The following PTPRU variants were observed in gnomAD, a reference collection of about 807,000 sequenced individuals.
PTPRU encodes receptor-type tyrosine-protein phosphatase U.
Under a neutral mutation model 166.3 loss-of-function variants are expected in PTPRU, and 69 were observed. The observed-to-expected ratio is 0.41, with a 90% CI of 0.34 to 0.51. The LOEUF (loss-of-function observed/expected upper bound fraction) is 0.51. PTPRU is among the 20% of genes least tolerant of loss of function. PTPRU has a pLI of 0.09. For synonymous variants in PTPRU, 793 were observed against 814.0 expected (o/e 0.97, Z 0.44); for missense variants, 1,657 against 2,013.7 (o/e 0.82, Z 3.39).
chr1:29,316,134 C>T lies in PTPRU; in HGVS notation c.3496C>T (p.Leu1166=), dbSNP rs776469162. The T allele has an allele frequency of 2.5e-6, 4 of 1,614,086 alleles. No homozygotes were observed. The highest frequency in any genetic ancestry group is 3.4e-6 in the Non-Finnish European group (4 of 1,180,020). The stretch of plus-strand genomic sequence containing the variant: ...TGATCCTCAGAGTAATTCCTCCCAG[C>T]TGCGGGAAGAGTTCCAGGTGGGGGA... ...RIDPQSNSSQ[L]REEFQTLNSV... Residue 1166 remains leucine, a synonymous_variant, in exon 24 of 30, where the codon CTG becomes TTG. Transcript: ENST00000373779.
At chr1:29,304,280 A>C (rs983989106) in intron 16 of PTPRU, among the ~76,000 whole-genome samples, 2 of 152,146 alleles carry the variant, frequency 1.3e-5, no homozygotes, top group Non-Finnish European at 2.9e-5. Context: ...TCTCGTCTCC[A>C]TCTCTATGTG....
Position 29,312,617 on chromosome 1 carries a change from C to CCCCTACCATG in PTPRU, c.3141_3150dup (p.Thr1051LeufsTer20). 1 of 1,611,518 alleles carries CCCCTACCATG rather than the reference C, an allele frequency of 6.2e-7. No homozygotes were observed. Among genetic ancestry groups the CCCCTACCATG allele is most frequent in the Non-Finnish European group, 8.5e-7 (1 of 1,178,136 alleles). ...TCACAGCGTGGCCAGAGCATGGCGT[C>CCCCTACCATG]CCCTACCATGCCACGGGGCTGCTGG... On this transcript the variant is annotated frameshift_variant, in exon 22 of 30. Coordinates refer to ENST00000373779, the MANE Select transcript of PTPRU (RefSeq NM_133178.4). LOFTEE classifies it high-confidence loss of function.
intron 1 of PTPRU, among the ~76,000 whole-genome samples, chr1:29,239,667 A>G (rs963538152): frequency 6.6e-6 from 1 of 151,992 alleles, no homozygotes; most frequent in African/African-American, 2.4e-5. Context: ...CCAGAGTTGC[A>G]GGGGGTACCT....
chr1:29,315,902 C>T lies in PTPRU; in HGVS notation c.3364-100C>T. 1.4e-6 allele frequency: 2 copies of T among 1,443,126 alleles called. No individual in the cohort carries two copies. Among genetic ancestry groups the T allele is most frequent in the Middle Eastern group, 1.8e-4 (1 of 5,620 alleles). 89.4% of individuals were successfully genotyped at this position (1,443,126 alleles called of 1,614,324 possible). On this transcript the variant is annotated intron_variant, in intron 23 of 29. Coordinates refer to ENST00000373779, the MANE Select transcript of PTPRU (RefSeq NM_133178.4). The surrounding 1 kb of genome is among the most constrained non-coding windows in gnomAD (Gnocchi z 4.5). Reference sequence around the variant, plus strand: ...GTAGTAACATGGTTGGCCTCCACCTCAGGACACCCTGCTTCAACCTTGAGC... The same window carrying T: ...GTAGTAACATGGTTGGCCTCCACCTTAGGACACCCTGCTTCAACCTTGAGC...
rs774156695 is a variant in PTPRU at position 29,258,537 on chromosome 1, GCC to G, written c.241_242del (p.Pro81ArgfsTer15). Reference sequence around the variant, plus strand: ...CTTGATGGTCAACACTTCCCAGCATGCCCCAGGCCAGCGAGCCCATGTCATCT... The same window carrying G: ...CTTGATGGTCAACACTTCCCAGCATGCCAGGCCAGCGAGCCCATGTCATCT... ...SYLMVNTSQH[A>X]PGQRAHVIFQ... On this transcript the variant is annotated frameshift_variant, in exon 3 of 30. Coordinates refer to ENST00000373779, the MANE Select transcript of PTPRU (RefSeq NM_133178.4). LOFTEE classifies it high-confidence loss of function. 6.2e-7 allele frequency: 1 copy of G among 1,614,098 alleles called. No individual in the cohort carries two copies. The highest frequency in any genetic ancestry group is 8.5e-7 in the Non-Finnish European group (1 of 1,179,982).
intron 26 of PTPRU, among the ~76,000 whole-genome samples, chr1:29,322,136 C>T (rs1467783652): frequency 1.3e-5 from 2 of 152,258 alleles, no homozygotes; most frequent in Admixed American, 1.3e-4. Context: ...TAATGGGCCT[C>T]AGCCCTGGTG....
At chr1:29,269,411 A>ACAG (rs1213383750) in intron 7 of PTPRU, among the ~76,000 whole-genome samples, 1 of 151,050 alleles carries the variant, frequency 6.6e-6, no homozygotes, top group African/African-American at 2.4e-5. Context: ...AGTGTTTTTA[A>ACAG]CAGCAGCAGC....
chr1:29,311,710 A>T lies in PTPRU; in HGVS notation c.3023A>T (p.Lys1008Met). 6.2e-7 allele frequency: 1 copy of T among 1,614,240 alleles called. No individual in the cohort carries two copies. Among genetic ancestry groups the T allele is most frequent in the African/African-American group, 1.3e-5 (1 of 75,064 alleles). ...TYGDIKIMLV[K>M]TETLAEYVVR... ...GGGGACATCAAGATTATGCTGGTGAAGACAGAGACCCTGGCTGAGTATGTC... is the reference window on the plus strand; with the variant it reads ...GGGGACATCAAGATTATGCTGGTGATGACAGAGACCCTGGCTGAGTATGTC... The change falls in exon 21 of 30, where the codon AAG (lysine) becomes ATG (methionine). Residue 1008 changes from lysine (K) to methionine (M), a missense_variant. Transcript: ENST00000373779. The surrounding 1 kb of genome is among the most constrained non-coding windows in gnomAD (Gnocchi z 4.1).
At chr1:29,305,214 CT>C in intron 17 of PTPRU, 137 bp from the exon 18 acceptor site, 1 of 776,426 alleles carries the variant, frequency 1.3e-6, no homozygotes, top group Non-Finnish European at 2.1e-6. Flanking sequence ...TGCCCAGAGA[CT>C]ACTGGTAAGC....
intron 7 of PTPRU, among the ~76,000 whole-genome samples, chr1:29,261,826 C>T (rs1295375091): frequency 1.3e-5 from 2 of 152,102 alleles, no homozygotes; most frequent in Non-Finnish European, 2.9e-5. Flanking sequence ...AGCCACCGTG[C>T]CTGGCTTAGT....
rs1348016088 is a variant in PTPRU at position 29,291,750 on chromosome 1, C to T, written c.2319-119C>T. 1.9e-5 allele frequency: 21 copies of T among 1,077,682 alleles called. No homozygotes were observed. Among genetic ancestry groups the T allele is most frequent in the Non-Finnish European group, 2.4e-5 (18 of 741,618 alleles). The allele number at this position is 1,077,682 out of a possible 1,614,324, so 66.8% of individuals were successfully genotyped here. On this transcript the variant is annotated intron_variant, in intron 14 of 29. Transcript: ENST00000373779. This position sits in a 1 kb window ranked among gnomAD's most constrained non-coding sequence, Gnocchi z 4.1. ...GAGCCCTCAGCATCCAGAGATGCTT[C>T]TAGGACAGCTGCTGGCTCCTGGCCT...
chr1:29,269,104 A>G lies in PTPRU; in HGVS notation c.1145-6344A>G, dbSNP rs1222735235. On this transcript the variant is annotated intron_variant, in intron 7 of 29. Transcript: ENST00000373779. ...ACCTGGGCTGGAGTGCAGTGGCACGATCATAGCTCACTGCGTGCAGCCTTG... is the reference window on the plus strand; with the variant it reads ...ACCTGGGCTGGAGTGCAGTGGCACGGTCATAGCTCACTGCGTGCAGCCTTG... 2.0e-5 allele frequency among the ~76,000 whole-genome samples: 3 copies of G among 150,978 alleles called. No homozygotes were observed. In the East Asian group the frequency reaches 5.8e-4, roughly 29 times the overall value.
At position 29,236,559 on chromosome 1, in the gene PTPRU, G is replaced by C; in HGVS notation, c.-86G>C. ...CGCCGCGCCGCTCCGCTCCGGCTCGGGCTCCGGCTCGCCTCGGGCTGGGCT... is the reference window on the plus strand; with the variant it reads ...CGCCGCGCCGCTCCGCTCCGGCTCGCGCTCCGGCTCGCCTCGGGCTGGGCT... On this transcript the variant is annotated 5_prime_UTR_variant, in exon 1 of 30. Coordinates refer to ENST00000373779, the MANE Select transcript of PTPRU (RefSeq NM_133178.4). This position sits in a 1 kb window ranked among gnomAD's most constrained non-coding sequence, Gnocchi z 4.6. 5 of 1,048,940 alleles carry C rather than the reference G, an allele frequency of 4.8e-6. No individual in the cohort carries two copies. The highest frequency in any genetic ancestry group is 5.9e-6 in the Non-Finnish European group (5 of 843,434). The allele number at this position is 1,048,940 out of a possible 1,614,324, so 65.0% of individuals were successfully genotyped here.
chr1:29,323,569 C>T (rs1688263365), intron 27 of PTPRU, 62 bp from the exon 28 acceptor site: 2 of 1,611,360 alleles, frequency 1.2e-6, no homozygotes, highest in East Asian at 2.2e-5. Context: ...CCCTCTGTGT[C>T]ATCAGGGGCC....
chr1:29,279,682 G>A lies in PTPRU; in HGVS notation c.1765+25G>A, dbSNP rs770946311. 61 of 1,605,434 alleles carry A rather than the reference G, an allele frequency of 3.8e-5. No homozygotes were observed. Among genetic ancestry groups the A allele is most frequent in the Non-Finnish European group, 5.0e-5 (59 of 1,177,950 alleles). On this transcript the variant is annotated intron_variant, in intron 10 of 29. Coordinates refer to ENST00000373779, the MANE Select transcript of PTPRU (RefSeq NM_133178.4). The surrounding 1 kb of genome is among the most constrained non-coding windows in gnomAD (Gnocchi z 5.2). ...GGTGAGCCCCACCTGACCCGGCCCA[G>A]CCTCTTCGGAGGTGGCCCAGAATCC... is the stretch of plus-strand genomic sequence containing the variant.
chr1:29,290,458 T>C (rs531276492), intron 14 of PTPRU, among the ~76,000 whole-genome samples: 1 of 152,238 alleles, frequency 6.6e-6, no homozygotes, highest in African/African-American at 2.4e-5. Flanking sequence ...CTGCCGATGC[T>C]ACTCTGTCTT....
At chr1:29,245,001 G>T (rs1037506112) in intron 1 of PTPRU, among the ~76,000 whole-genome samples, 1 of 152,126 alleles carries the variant, frequency 6.6e-6, no homozygotes, top group Non-Finnish European at 1.5e-5. Context: ...GGTTGATTGA[G>T]TCTGGCTCTT....
intron 16 of PTPRU, among the ~76,000 whole-genome samples, chr1:29,304,337 C>G (rs1451396011): frequency 6.6e-6 from 1 of 152,214 alleles, no homozygotes; most frequent in Admixed American, 6.5e-5. Context: ...AATCTGCCCA[C>G]TGACACTGAC....
At position 29,279,736 on chromosome 1, in the gene PTPRU, G is replaced by A. The variant is rs1263656033; in HGVS notation, c.1765+79G>A. ...GGTTCCATGGGCAGAAGGGAAATGG[G>A]GGGCATCCTGGGGGTAGTTACAGAG... On this transcript the variant is annotated intron_variant, in intron 10 of 29. Coordinates refer to ENST00000373779, the MANE Select transcript of PTPRU (RefSeq NM_133178.4). The surrounding 1 kb of genome is among the most constrained non-coding windows in gnomAD (Gnocchi z 5.2). The A allele has an allele frequency of 7.4e-6, 11 of 1,488,090 alleles. No individual in the cohort carries two copies. In the South Asian group the frequency reaches 1.0e-4, roughly 14 times the overall value. The allele number at this position is 1,488,090 out of a possible 1,614,324, so 92.2% of individuals were successfully genotyped here. A position where few individuals can be genotyped will look rare whatever the true frequency, so the allele number is the denominator to read the frequency against.
Sources: allele counts gnomAD v4.1 joint callset (sites outside exome capture counted in the v4.1 genomes callset), GRCh38; gene constraint gnomAD v4.1.1; non-coding constraint Gnocchi (gnomAD v3.1); transcripts MANE v1.5; gene names NCBI Gene and HGNC (gene_info 2026-07-23, HGNC 2026-07-21).